The following ZPBP variants were observed in gnomAD, a reference collection of about 807,000 sequenced individuals.
The protein encoded by ZPBP is zona pellucida-binding protein 1.
ZPBP carries 26 observed loss-of-function variants against 44.8 expected under a neutral mutation model. The ratio of observed to expected loss-of-function variants is 0.58; its 90% CI spans 0.43 to 0.81. The LOEUF (loss-of-function observed/expected upper bound fraction) is 0.81, where lower values mean the gene tolerates loss of function less well. Among genes scored for constraint, ZPBP ranks in the 30% least tolerant of loss-of-function variants. The pLI, the probability that ZPBP is intolerant of heterozygous loss-of-function variation, is 0.00. For missense variants in ZPBP, 409 were observed against 434.0 expected, an observed-to-expected ratio of 0.94 and a Z score of 0.51; for synonymous variants, 174 against 153.2, an observed-to-expected ratio of 1.14 and a Z score of -1.00.
chr7:50,032,687 G>T (rs941607167), intron 4 of ZPBP, among the ~76,000 whole-genome samples: 2 of 152,144 alleles, frequency 1.3e-5, no homozygotes, highest in African/African-American at 4.8e-5. Flanking sequence ...CTTCTTAACC[G>T]ATGCACTGAA....
chr7:49,964,496 A>G (rs1795984258), intron 7 of ZPBP, among the ~76,000 whole-genome samples: 1 of 152,072 alleles, frequency 6.6e-6, no homozygotes, highest in South Asian at 2.1e-4. Flanking sequence ...CAACAATTGA[A>G]ATAAAAAATT....
chr7:50,073,534 T>A (rs1801946847), intron 3 of ZPBP, among the ~76,000 whole-genome samples: 1 of 152,038 alleles, frequency 6.6e-6, no homozygotes, highest in Non-Finnish European at 1.5e-5. Flanking sequence ...GACAAAGTCA[T>A]AATATCCAAG....
At chr7:49,936,948 A>G (rs570581712), downstream of ZPBP, among the ~76,000 whole-genome samples, 179 of 152,320 alleles carry the variant, frequency 1.2e-3, no homozygotes, top group Non-Finnish European at 1.9e-3. Context: ...AAAATGCCAA[A>G]AAGGTAATTT....
intron 2 of ZPBP, among the ~76,000 whole-genome samples, chr7:49,858,307 A>C (rs1030549033): frequency 6.6e-6 from 1 of 152,090 alleles, no homozygotes; most frequent in Non-Finnish European, 1.5e-5. Context: ...AACCAACCCA[A>C]ATGTCCAACA....
intron 6 of ZPBP, among the ~76,000 whole-genome samples, chr7:49,987,336 G>A (rs1223443883): frequency 6.6e-6 from 1 of 152,136 alleles, no homozygotes; most frequent in Non-Finnish European, 1.5e-5. Flanking sequence ...CCTGGAAAAA[G>A]ATTTTTTTCT....
intron 7 of ZPBP, chr7:49,943,809 A>G (rs1794988140): frequency 8.4e-6 from 2 of 239,014 alleles, no homozygotes; most frequent in African/African-American, 2.4e-5. Flanking sequence ...AACCCTGGAG[A>G]GCTCATCCTA....
intron 3 of ZPBP, among the ~76,000 whole-genome samples, chr7:50,076,159 G>T (rs949393584): frequency 2.0e-5 from 3 of 151,324 alleles, no homozygotes; most frequent in South Asian, 4.2e-4. Flanking sequence ...AAACATGAAC[G>T]ATCATGTTTT....
At chr7:49,865,569 G>C (rs563249032) in intron 2 of ZPBP, among the ~76,000 whole-genome samples, 1 of 152,262 alleles carries the variant, frequency 6.6e-6, no homozygotes, top group South Asian at 2.1e-4. Context: ...CACATAGTGG[G>C]CTTAGGACTC....
chr7:50,018,163 T>C, intron 6 of ZPBP, 77 bp downstream of exon 6: 3 of 1,058,146 alleles, frequency 2.8e-6, no homozygotes, highest in East Asian at 4.8e-5. Context: ...ATTTTATAAA[T>C]AGCTAGGATG....
chr7:50,093,218 A>C lies in ZPBP; in HGVS notation c.-24T>G, dbSNP rs1335702193. ...ATCCACACGCCGCCGTCGCCTGCCC[A>C]CCGTCCGCGCGGAAGGTCGTTAGGC... On this transcript the variant is annotated 5_prime_UTR_variant, in exon 1 of 8. Coordinates refer to ENST00000046087, the MANE Select transcript of ZPBP (RefSeq NM_007009.3). 4 of 1,504,428 alleles carry C rather than the reference A, an allele frequency of 2.7e-6. No individual in the cohort carries two copies. Among genetic ancestry groups the C allele is most frequent in the African/African-American group, 1.4e-5 (1 of 69,154 alleles). 93.2% of individuals were successfully genotyped at this position (1,504,428 alleles called of 1,614,324 possible). A position where few individuals can be genotyped will look rare whatever the true frequency, so the allele number is the denominator to read the frequency against.
chr7:50,060,716 C>A (rs529470527), intron 3 of ZPBP, among the ~76,000 whole-genome samples: 3 of 152,116 alleles, frequency 2.0e-5, no homozygotes, highest in African/African-American at 7.2e-5. Context: ...GATTCACAGC[C>A]AAATTCTACC....
intron 6 of ZPBP, among the ~76,000 whole-genome samples, chr7:49,985,736 C>G (rs1797245047): frequency 6.6e-6 from 1 of 151,990 alleles, no homozygotes; most frequent in African/African-American, 2.4e-5. Context: ...TGGAGAATCC[C>G]CAACCCGCCC....
chr7:49,848,054 G>T (rs1363863896), downstream of ZPBP, among the ~76,000 whole-genome samples: 4 of 152,180 alleles, frequency 2.6e-5, no homozygotes, highest in African/African-American at 7.2e-5. Flanking sequence ...GTGGGAAGTC[G>T]GAAGCTTCTA....
chr7:49,871,011 A>C (rs1379703083), intron 2 of ZPBP, among the ~76,000 whole-genome samples: 2 of 152,252 alleles, frequency 1.3e-5, no homozygotes, highest in Non-Finnish European at 2.9e-5. Flanking sequence ...ATGCTAAAAA[A>C]TGCAAAACCA....
At chr7:49,903,967 A>T (rs1383836944) in intron 1 of ZPBP, among the ~76,000 whole-genome samples, 1 of 152,162 alleles carries the variant, frequency 6.6e-6, no homozygotes, top group Non-Finnish European at 1.5e-5. Context: ...GTTGGATCAG[A>T]TGTGACATTT....
At chr7:49,936,125 G>A (rs953380438), downstream of ZPBP, 18 of 152,182 alleles carry the variant, frequency 1.2e-4, no homozygotes, top group African/African-American at 4.3e-4. Context: ...TAGAGATGGA[G>A]ATGTAGTAAG....
chr7:49,865,732 A>G (rs1400554966), intron 2 of ZPBP, among the ~76,000 whole-genome samples: 1 of 152,210 alleles, frequency 6.6e-6, no homozygotes, highest in Non-Finnish European at 1.5e-5. Flanking sequence ...AGACCCAAAC[A>G]CAGAGGTCTA....
At chr7:50,071,167 G>A (rs546614963) in intron 3 of ZPBP, among the ~76,000 whole-genome samples, 1 of 152,230 alleles carries the variant, frequency 6.6e-6, no homozygotes, top group African/African-American at 2.4e-5. Context: ...GCCCCACAGT[G>A]GTGGCCTGGT....
intron 2 of ZPBP, among the ~76,000 whole-genome samples, chr7:49,899,716 T>G (rs931050197): frequency 3.3e-5 from 5 of 151,894 alleles, no homozygotes; most frequent in Non-Finnish European, 5.9e-5. Flanking sequence ...TGAATCCACT[T>G]TTATACTTGC....
Sources: gnomAD v4.1 joint callset for allele counts (sites outside exome capture counted in the v4.1 genomes callset) on GRCh38, gnomAD v4.1.1 for gene constraint, MANE v1.5 for transcripts, NCBI Gene and HGNC (gene_info 2026-07-23, HGNC 2026-07-21) for gene names.